The following TTC12 variants were observed in gnomAD, a reference collection of about 807,000 sequenced individuals.
TTC12 encodes the protein tetratricopeptide repeat protein 12.
Under a neutral mutation model 90.1 loss-of-function variants are expected in TTC12, and 70 were observed. That is an observed-to-expected ratio of 0.78 (90% CI 0.64 to 0.95). The LOEUF (loss-of-function observed/expected upper bound fraction) is 0.95. Among genes scored for constraint, TTC12 ranks in the 40% least tolerant of loss-of-function variants. The pLI is 0.00. For missense variants in TTC12, 819 were observed against 846.1 expected (o/e 0.97, Z 0.40); for synonymous variants, 296 against 311.5 (o/e 0.95, Z 0.53).
intron 7 of TTC12, among the ~76,000 whole-genome samples, chr11:113,334,425 G>T (rs896266842): frequency 1.5e-4 from 23 of 150,190 alleles, no homozygotes; most frequent in African/African-American, 5.6e-4. Context: ...ACATGTTGTG[G>T]TTTATTTGGG....
chr11:113,362,195 C>T (rs981805179), intron 18 of TTC12, among the ~76,000 whole-genome samples: 1 of 152,058 alleles, frequency 6.6e-6, no homozygotes, highest in Non-Finnish European at 1.5e-5. Flanking sequence ...ATAATATGGG[C>T]CTCTGGGTGG....
chr11:113,351,294 G>A lies in TTC12; in HGVS notation c.1303G>A (p.Val435Ile), dbSNP rs145279097. The stretch of plus-strand genomic sequence containing the variant: ...AGGTGTTCTCCCTGCACTCACAGGC[G>A]TTCTGGTGAGCAAACTGTCATTTTC... ...LPGVLPALTG[V>I]LKTDPKVSSS... Residue 435 changes from valine (V) to isoleucine (I), a missense_variant, in exon 15 of 22, where the codon GTT (valine) becomes ATT (isoleucine). Coordinates refer to ENST00000529221, the MANE Select transcript of TTC12 (RefSeq NM_017868.4). The A allele has an allele frequency of 3.9e-4, 625 of 1,613,742 alleles. No individual in the cohort carries two copies. Among genetic ancestry groups the A allele is most frequent in the Middle Eastern group, 5.0e-4 (3 of 6,060 alleles).
In TTC12 at chr11:113,350,062, G is replaced by T. The variant is rs564430576; in HGVS notation, c.1155-11G>T. On this transcript the variant is annotated splice_polypyrimidine_tract_variant and intron_variant, in intron 13 of 21. Transcript: ENST00000529221. ...GACAGCTACCTCTGAGGTTATTATG[G>T]TTTTTTGCAGATTATTGGAAGCGCT... 5 of 1,611,674 alleles carry T rather than the reference G, an allele frequency of 3.1e-6. No homozygotes were observed. The South Asian group carries it at 5.5e-5, about 18-fold the overall frequency.
intron 14 of TTC12, among the ~76,000 whole-genome samples, chr11:113,350,814 G>A (rs1204032487): frequency 3.3e-5 from 5 of 152,248 alleles, no homozygotes; most frequent in East Asian, 1.9e-4. Context: ...ACGGGCCGGG[G>A]TATGGAACAG....
chr11:113,359,391 T>C lies in TTC12; in HGVS notation c.1475T>C (p.Phe492Ser). ...LARCEEDVDLFREVIYTLLGL... is the reference protein window; with the variant it reads ...LARCEEDVDLSREVIYTLLGL... ...AGGTGTGAGGAGGATGTGGACCTGT[T>C]CAGAGAGGTTATCTACACACTCCTG... The change falls in exon 17 of 22, where the codon TTC (phenylalanine) becomes TCC (serine). Residue 492 changes from phenylalanine (F) to serine (S), a missense_variant. Phe to Ser is a radical substitution (Grantham distance 155). Coordinates refer to ENST00000529221, the MANE Select transcript of TTC12 (RefSeq NM_017868.4). 1 of 1,612,744 alleles carries C rather than the reference T, an allele frequency of 6.2e-7. No individual in the cohort carries two copies. The highest frequency in any genetic ancestry group is 1.1e-5 in the South Asian group (1 of 90,990).
intron 5 of TTC12, 147 bp downstream of exon 5, chr11:113,324,829 G>A: frequency 4.5e-6 from 3 of 659,838 alleles, no homozygotes; most frequent in Non-Finnish European, 7.9e-6. Flanking sequence ...TGGCCAGAAG[G>A]AAATCATTGA....
chr11:113,359,959 G>A lies in TTC12; in HGVS notation c.1565G>A (p.Ser522Asn). 6.3e-7 allele frequency: 1 copy of A among 1,598,548 alleles called. No homozygotes were observed. The highest frequency in any genetic ancestry group is 1.3e-5 in the African/African-American group (1 of 74,976). ...FVSEVWAVEV[S>N]RRCLSLLNSQ... is the part of the protein sequence containing the mutation. ...TTGTAGGTTTGGGCTGTGGAGGTGA[G>A]CAGAAGGTGCCTGTCTTTACTAAAC... Residue 522 changes from serine (S) to asparagine (N), a missense_variant, in exon 18 of 22, where the codon AGC becomes AAC. Ser to Asn is a conservative substitution (Grantham distance 46). Transcript: ENST00000529221.
intron 13 of TTC12, among the ~76,000 whole-genome samples, chr11:113,346,527 T>G (rs1948971253): frequency 6.6e-6 from 1 of 152,132 alleles, no homozygotes; most frequent in South Asian, 2.1e-4. Flanking sequence ...TCCCTCTTGC[T>G]GCAACTCCAA....
chr11:113,359,563 A>G (rs985622410), intron 17 of TTC12, 102 bp downstream of exon 17: 27 of 792,628 alleles, frequency 3.4e-5, no homozygotes, highest in Middle Eastern at 3.5e-4. Flanking sequence ...AAGCATGTAC[A>G]CTCACACACT....
chr11:113,331,548 G>A (rs1948065080), intron 7 of TTC12, among the ~76,000 whole-genome samples: 1 of 152,140 alleles, frequency 6.6e-6, no homozygotes, highest in African/African-American at 2.4e-5. Context: ...TCTATAAAGG[G>A]CCTCTCCACT....
exon 22 of TTC12, chr11:113,373,293 T>C (rs1950431788): frequency 3.3e-6 from 3 of 918,316 alleles, no homozygotes; most frequent in Admixed American, 6.2e-5. Flanking sequence ...TTCATTGTTA[T>C]GAAATTCTTT....
At chr11:113,356,988 A>G (rs1430605232) in intron 16 of TTC12, among the ~76,000 whole-genome samples, 1 of 152,150 alleles carries the variant, frequency 6.6e-6, no homozygotes, top group African/African-American at 2.4e-5. Context: ...AGGTTGGGGA[A>G]GTTCTCATGG....
At chr11:113,335,827 A>T (rs1221074378) in intron 8 of TTC12, among the ~76,000 whole-genome samples, 1 of 152,172 alleles carries the variant, frequency 6.6e-6, no homozygotes, top group Non-Finnish European at 1.5e-5. Flanking sequence ...TTCATCAGTT[A>T]ATGGACATTT....
intron 16 of TTC12, among the ~76,000 whole-genome samples, chr11:113,354,118 TG>T (rs1230107456): frequency 6.6e-6 from 1 of 152,246 alleles, no homozygotes; most frequent in African/African-American, 2.4e-5. Context: ...TCCATTTGTT[TG>T]TGTTATCTCT....
chr11:113,339,183 C>A, intron 9 of TTC12, 103 bp from the exon 10 acceptor site: 1 of 951,232 alleles, frequency 1.1e-6, no homozygotes, highest in Non-Finnish European at 1.5e-6. Flanking sequence ...CTTTATGCTT[C>A]TCAAACTCCC....
intron 10 of TTC12, among the ~76,000 whole-genome samples, chr11:113,340,413 G>A (rs781875143): frequency 5.9e-5 from 9 of 152,224 alleles, no homozygotes; most frequent in Non-Finnish European, 1.2e-4. Flanking sequence ...GATAGCCCTC[G>A]GGGCCACCCC....
intron 8 of TTC12, 62 bp from the exon 9 acceptor site, chr11:113,338,712 G>T: frequency 7.4e-7 from 1 of 1,347,408 alleles, no homozygotes; most frequent in Non-Finnish European, 1.1e-6. Context: ...ATGACACCCA[G>T]TGTCTTTCTC....
chr11:113,316,811 T>C (rs531749383), intron 2 of TTC12, among the ~76,000 whole-genome samples: 8 of 152,342 alleles, frequency 5.3e-5, no homozygotes, highest in Non-Finnish European at 7.3e-5. Flanking sequence ...GAAAGTCCTT[T>C]CCCAAGTTCA....
chr11:113,370,514 T>G (rs2138100770), downstream of TTC12, among the ~76,000 whole-genome samples: 1 of 152,284 alleles, frequency 6.6e-6, no homozygotes, highest in African/African-American at 2.4e-5. Context: ...ATGACTTATT[T>G]CCTTTTAATA....
Sources: allele counts gnomAD v4.1 joint callset (sites outside exome capture counted in the v4.1 genomes callset), GRCh38; gene constraint gnomAD v4.1.1; transcripts MANE v1.5; gene names NCBI Gene and HGNC (gene_info 2026-07-23, HGNC 2026-07-21).